Variants in FAR2 observed in about 807,000 individuals in gnomAD.
FAR2 encodes epididymis secretory protein Li 81.
A neutral mutation model predicts 56.0 loss-of-function variants in FAR2; 19 were observed. The observed-to-expected ratio is 0.34, with a 90% CI of 0.24 to 0.50. FAR2 has a LOEUF of 0.50. Ranked by LOEUF, FAR2 falls within the 20% of genes least tolerant of loss-of-function variation. FAR2 has a pLI of 0.98. For synonymous variants in FAR2, 219 were observed against 218.8 expected (o/e 1.00, Z -0.01); for missense variants, 508 against 642.2 (o/e 0.79, Z 2.26).
intron 1 of FAR2, among the ~76,000 whole-genome samples, chr12:29,199,599 CAAA>C (rs774461038): frequency 9.4e-6 from 1 of 106,310 alleles, no homozygotes; most frequent in Non-Finnish European, 1.9e-5. Context: ...GACCCCGTCT[CAAA>C]AAAAAAAAAA....
At chr12:29,331,516 G>A (rs1280372178) in intron 10 of FAR2, 1 of 151,956 alleles carries the variant, frequency 6.6e-6, no homozygotes, top group Non-Finnish European at 1.5e-5. Flanking sequence ...AATATTTCCA[G>A]AGATGATACC....
rs182815439 is a variant in FAR2 at position 29,330,238 on chromosome 12, G to C, written c.1258-2362G>C. Among the ~76,000 whole-genome samples, 803 of 151,942 alleles carry C rather than the reference G, an allele frequency of 5.3e-3. 12 individuals carry two copies. The highest frequency in any genetic ancestry group is 4.1e-3 in the Non-Finnish European group (281 of 67,958). On this transcript the variant is annotated intron_variant, in intron 10 of 11. Transcript: ENST00000536681. Reference sequence around the variant, plus strand: ...CGCCTGGCTAATTTTTGTATTTTTAGTACAGACGGGGTATCACGATATTGG... The same window carrying C: ...CGCCTGGCTAATTTTTGTATTTTTACTACAGACGGGGTATCACGATATTGG...
intron 8 of FAR2, among the ~76,000 whole-genome samples, chr12:29,315,577 T>G (rs1949434457): frequency 6.6e-6 from 1 of 152,180 alleles, no homozygotes; most frequent in Non-Finnish European, 1.5e-5. Flanking sequence ...ACTGCAACAC[T>G]CCAGGCTACA....
At chr12:29,265,746 A>G (rs1475401101) in intron 1 of FAR2, among the ~76,000 whole-genome samples, 1 of 152,214 alleles carries the variant, frequency 6.6e-6, no homozygotes, top group African/African-American at 2.4e-5. Flanking sequence ...AATGAGAGAA[A>G]ATATTTGTAA....
At chr12:29,234,535 T>G (rs1244098224) in intron 1 of FAR2, among the ~76,000 whole-genome samples, 1 of 152,200 alleles carries the variant, frequency 6.6e-6, no homozygotes, top group Non-Finnish European at 1.5e-5. Context: ...CATAGTCTGT[T>G]ATCCAGTTCC....
chr12:29,253,233 A>T (rs12827889), intron 1 of FAR2, among the ~76,000 whole-genome samples: 5,655 of 81,932 alleles, frequency 0.069, 519 homozygotes, highest in East Asian at 0.21. Context: ...ATCTATCTAG[A>T]TAGATATCTA....
rs1162945112 is a variant in FAR2 at position 29,196,384 on chromosome 12, G to A, written c.-39+46977G>A. On this transcript the variant is annotated intron_variant, in intron 1 of 11. Transcript: ENST00000536681. ...TGACTTTTTAAATAGTAGCCATTCT[G>A]ACTGGCACCTGGTGATGTCTCATTG... 2.0e-5 allele frequency among the ~76,000 whole-genome samples: 3 copies of A among 152,022 alleles called. No homozygotes were observed. The East Asian group carries it at 5.8e-4, about 29-fold the overall frequency.
At chr12:29,283,997 C>T (rs762398995) in intron 2 of FAR2, among the ~76,000 whole-genome samples, 3 of 152,154 alleles carry the variant, frequency 2.0e-5, no homozygotes, top group Non-Finnish European at 4.4e-5. Context: ...GAAAGCATTT[C>T]GAGTTTCCTA....
At chr12:29,286,299 A>C (rs1948876094) in intron 2 of FAR2, among the ~76,000 whole-genome samples, 2 of 152,156 alleles carry the variant, frequency 1.3e-5, no homozygotes, top group African/African-American at 4.8e-5. Flanking sequence ...CATCTCTCCA[A>C]GGTTATGTAA....
chr12:29,296,229 C>T (rs903973158), intron 3 of FAR2, among the ~76,000 whole-genome samples: 1 of 151,898 alleles, frequency 6.6e-6, no homozygotes, highest in Non-Finnish European at 1.5e-5. Context: ...TTTTATTTTT[C>T]TAATTAATTC....
intron 1 of FAR2, among the ~76,000 whole-genome samples, chr12:29,210,422 C>T (rs560163804): frequency 6.6e-6 from 1 of 152,268 alleles, no homozygotes; most frequent in Admixed American, 6.5e-5. Context: ...TGCCACCTCA[C>T]ACCAGAGGTG....
rs764997541 is a variant in FAR2 at position 29,316,948 on chromosome 12, G to A, written c.1063G>A (p.Val355Ile). The change falls in exon 9 of 12, where the codon GTC (valine) becomes ATC (isoleucine). Residue 355 changes from valine to isoleucine, a missense_variant. By Grantham distance (29) the Val-to-Ile change is conservative. Coordinates refer to ENST00000536681, the MANE Select transcript of FAR2 (RefSeq NM_001271783.2). ...NSFTSQYWNA[V>I]SHRAPAIIYD... is the part of the protein sequence containing the mutation. The stretch of plus-strand genomic sequence containing the variant: ...CTTCACATCACAGTACTGGAATGCG[G>A]TCAGCCACCGGGCCCCTGCCATTAT... The A allele has an allele frequency of 1.9e-6, 3 of 1,613,870 alleles. No individual in the cohort carries two copies. Among genetic ancestry groups the A allele is most frequent in the African/African-American group, 2.7e-5 (2 of 74,882 alleles).
intron 1 of FAR2, among the ~76,000 whole-genome samples, chr12:29,221,040 T>C (rs67200761): frequency 0.031 from 4,688 of 152,118 alleles, 221 homozygotes; most frequent in African/African-American, 0.099. Flanking sequence ...ACTGGAGTTG[T>C]GCGCATGCTC....
chr12:29,188,996 T>G (rs1215259028), intron 1 of FAR2, among the ~76,000 whole-genome samples: 4 of 152,150 alleles, frequency 2.6e-5, no homozygotes, highest in African/African-American at 9.7e-5. Context: ...GATGTTAACC[T>G]TCATCACTTA....
chr12:29,169,675 G>A (rs534002171), intron 1 of FAR2, among the ~76,000 whole-genome samples: 2 of 152,352 alleles, frequency 1.3e-5, no homozygotes, highest in East Asian at 1.9e-4. Flanking sequence ...CATTGAGGAG[G>A]TCTAGGCCTT....
chr12:29,330,935 T>A (rs533679078), intron 10 of FAR2, among the ~76,000 whole-genome samples: 3 of 152,190 alleles, frequency 2.0e-5, no homozygotes, highest in Non-Finnish European at 4.4e-5. Flanking sequence ...TAAATTGTTG[T>A]GTAACAAAAA....
chr12:29,210,856 G>T (rs1947537910), intron 1 of FAR2, among the ~76,000 whole-genome samples: 1 of 152,054 alleles, frequency 6.6e-6, no homozygotes. Flanking sequence ...GGAGGCAGAA[G>T]AATCACTTGA....
chr12:29,153,932 AC>A (rs1201831511), intron 1 of FAR2, among the ~76,000 whole-genome samples: 3 of 152,206 alleles, frequency 2.0e-5, no homozygotes. Flanking sequence ...GAAAAATAAA[AC>A]AAAAACTGAT....
At chr12:29,237,775 T>G (rs562345069) in intron 1 of FAR2, among the ~76,000 whole-genome samples, 3 of 152,324 alleles carry the variant, frequency 2.0e-5, no homozygotes, top group African/African-American at 7.2e-5. Flanking sequence ...TGATAAACTT[T>G]GAATTTTCAA....
Sources: gnomAD v4.1 joint callset for allele counts (sites outside exome capture counted in the v4.1 genomes callset) on GRCh38, gnomAD v4.1.1 for gene constraint, MANE v1.5 for transcripts, NCBI Gene and HGNC (gene_info 2026-07-23, HGNC 2026-07-21) for gene names.